RYR3: variants seen among roughly 807,000 people sequenced by gnomAD.
RYR3 encodes ryanodine receptor 3, also known as brain ryanodine receptor-calcium release channel.
In RYR3, 207 loss-of-function variants were observed where a neutral mutation model predicts 584.3. The observed-to-expected ratio is 0.35, with a 90% CI of 0.32 to 0.40. The LOEUF (loss-of-function observed/expected upper bound fraction) is 0.40. RYR3 is among the 10% of genes least tolerant of loss of function. The pLI is 1.00. For missense variants in RYR3, 5,616 were observed against 6,089.2 expected, an observed-to-expected ratio of 0.92 and a Z score of 2.59; for synonymous variants, 2,416 against 2,248.5, an observed-to-expected ratio of 1.07 and a Z score of -2.11.
intron 1 of RYR3, among the ~76,000 whole-genome samples, chr15:33,321,557 G>A (rs1968966258): frequency 2.0e-5 from 3 of 152,276 alleles, no homozygotes; most frequent in Admixed American, 2.0e-4. Flanking sequence ...TTAAGTGACA[G>A]GTGTGTAGAA....
intron 12 of RYR3, among the ~76,000 whole-genome samples, chr15:33,578,646 T>C (rs1195158900): frequency 6.6e-6 from 1 of 151,612 alleles, no homozygotes; most frequent in African/African-American, 2.4e-5. Context: ...TCAGGAAAAA[T>C]AGCTAATGCA....
chr15:33,535,012 A>G (rs773661529), intron 5 of RYR3, among the ~76,000 whole-genome samples: 1 of 152,210 alleles, frequency 6.6e-6, no homozygotes, highest in Non-Finnish European at 1.5e-5. Flanking sequence ...GCCTTCACTA[A>G]ATCTGGAGCC....
chr15:33,315,494 A>T (rs1335648534), intron 1 of RYR3, among the ~76,000 whole-genome samples: 1 of 152,156 alleles, frequency 6.6e-6, no homozygotes, highest in African/African-American at 2.4e-5. Flanking sequence ...GCTGAACTGT[A>T]AGCTCTCCTG....
At position 33,694,510 on chromosome 15, in the gene RYR3, C is replaced by T. The variant is rs1040541377; in HGVS notation, c.5861-1708C>T. On this transcript the variant is annotated intron_variant, in intron 38 of 103. Transcript: ENST00000634891. ...CCACCCACCTCGGCCTCCCAAAGTG[C>T]TGGGATTACAGGCGTGAGCCACTGC... 1.9e-4 allele frequency among the ~76,000 whole-genome samples: 29 copies of T among 152,098 alleles called. 1 individual carries two copies. Among genetic ancestry groups the T allele is most frequent in the African/African-American group, 6.8e-4 (28 of 41,424 alleles).
At chr15:33,740,284 C>T (rs2069951389) in intron 51 of RYR3, among the ~76,000 whole-genome samples, 1 of 152,204 alleles carries the variant, frequency 6.6e-6, no homozygotes, top group Non-Finnish European at 1.5e-5. Context: ...ACTACCCTGA[C>T]AAATTATGCA....
At chr15:33,596,959 G>A (rs1486852517) in intron 16 of RYR3, among the ~76,000 whole-genome samples, 2 of 151,968 alleles carry the variant, frequency 1.3e-5, no homozygotes, top group Non-Finnish European at 1.5e-5. Flanking sequence ...TTGTAGTTTA[G>A]CTTTGAAATA....
At chr15:33,857,715 C>A in intron 98 of RYR3, 65 bp from the exon 99 acceptor site, 1 of 1,598,070 alleles carries the variant, frequency 6.3e-7, no homozygotes, top group South Asian at 1.1e-5. Context: ...CTTAGAGTCT[C>A]CTGTGAACCT....
chr15:33,379,765 G>A (rs189876685), intron 1 of RYR3, among the ~76,000 whole-genome samples: 22 of 151,006 alleles, frequency 1.5e-4, no homozygotes, highest in South Asian at 1.1e-3. Flanking sequence ...TACAATAGGC[G>A]GTCTGCAAAA....
chr15:33,696,521 C>G (rs149368429), intron 39 of RYR3, 30 bp downstream of exon 39: 1 of 1,604,776 alleles, frequency 6.2e-7, no homozygotes, highest in Non-Finnish European at 8.5e-7. Context: ...GTGCTGTTCT[C>G]TCTAGGAGCT....
rs147118239 is a variant in RYR3 at position 33,863,720 on chromosome 15, G to A, written c.14466-418G>A. On this transcript the variant is annotated intron_variant, in intron 102 of 103. Coordinates refer to ENST00000634891, the MANE Select transcript of RYR3 (RefSeq NM_001036.6). Reference sequence around the variant, plus strand: ...AATACTTTCTAACTTTTCCATGACAGATATTCTTGAGACACACACATAATT... The same window carrying A: ...AATACTTTCTAACTTTTCCATGACAAATATTCTTGAGACACACACATAATT... Among the ~76,000 whole-genome samples the A allele has an allele frequency of 6.6e-5, 10 of 152,272 alleles. No homozygotes were observed. The South Asian group carries it at 1.9e-3, about 28-fold the overall frequency.
At chr15:33,484,624 G>A (rs1445980440) in intron 2 of RYR3, among the ~76,000 whole-genome samples, 2 of 119,276 alleles carry the variant, frequency 1.7e-5, no homozygotes, top group African/African-American at 2.7e-5. Context: ...TTGAATTCAG[G>A]TATGGGTAAC....
chr15:33,400,215 C>G (rs2042560715), intron 1 of RYR3, among the ~76,000 whole-genome samples: 1 of 152,158 alleles, frequency 6.6e-6, no homozygotes, highest in Non-Finnish European at 1.5e-5. Flanking sequence ...ACACTATGGT[C>G]ACCATATGTA....
At chr15:33,522,171 G>A (rs1433417108) in intron 3 of RYR3, among the ~76,000 whole-genome samples, 4 of 151,732 alleles carry the variant, frequency 2.6e-5, no homozygotes, top group African/African-American at 7.3e-5. Context: ...GCTGACACAG[G>A]AGAATTGCTG....
At position 33,601,310 on chromosome 15, in the gene RYR3, G is replaced by A. The variant is rs139392479; in HGVS notation, c.1789-109G>A. The stretch of plus-strand genomic sequence containing the variant: ...TTGGCTCTGAGCTGGCTCTCTACCC[G>A]TCACCTAGCCCCCACCCTTTATGGA... On this transcript the variant is annotated intron_variant, in intron 16 of 103. Transcript: ENST00000634891. The A allele has an allele frequency of 6.2e-4, 711 of 1,142,976 alleles. 4 individuals are homozygous for A. In the African/African-American group the frequency reaches 9.1e-3, roughly 15 times the overall value. 70.8% of individuals were successfully genotyped at this position (1,142,976 alleles called of 1,614,324 possible). A position where few individuals can be genotyped will look rare whatever the true frequency, so the allele number is the denominator to read the frequency against.
chr15:33,311,075 C>A lies in RYR3; in HGVS notation c.30C>A (p.Asp10Glu), dbSNP rs761390620. 6.3e-6 allele frequency: 10 copies of A among 1,582,080 alleles called. No homozygotes were observed. The highest frequency in any genetic ancestry group is 4.6e-5 in the South Asian group (4 of 87,384). The change falls in exon 1 of 104, where the codon GAC (aspartate) becomes GAA (glutamate). Residue 10 changes from aspartate to glutamate, a missense_variant. This residue lies in a region of RYR3 where 1,284 missense variants were observed against 1,344.6 expected (regional missense o/e 0.95). Coordinates refer to ENST00000634891, the MANE Select transcript of RYR3 (RefSeq NM_001036.6). This position sits in a 1 kb window ranked among gnomAD's most constrained non-coding sequence, Gnocchi z 4.4. MAEGGEGGE[D>E]EIQFLRTEDE... ...CCGAAGGGGGAGAAGGAGGCGAGGACGAGATCCAGTTTCTGAGGACTGTGA... is the reference window on the plus strand; with the variant it reads ...CCGAAGGGGGAGAAGGAGGCGAGGAAGAGATCCAGTTTCTGAGGACTGTGA...
rs565748259 is a variant in RYR3, at chr15:33,644,504, T to G, written c.3750T>G (p.Asp1250Glu). The G allele has an allele frequency of 6.2e-7, 1 of 1,613,392 alleles. No individual in the cohort carries two copies. Among genetic ancestry groups the G allele is most frequent in the South Asian group, 1.1e-5 (1 of 90,970 alleles). ...CGACGTTTGTCAACGTGCCAAAGGA[T>G]CATCCACACATAGAGGTAATGTTAC... Reference protein sequence around the residue: ...RLPTFVNVPKDHPHIEVMRID... With the variant: ...RLPTFVNVPKEHPHIEVMRID... Residue 1250 changes from aspartate (D) to glutamate (E), a missense_variant, in exon 28 of 104, where the codon GAT becomes GAG. This residue lies in a region of RYR3 where 753 missense variants were observed against 741.0 expected (regional missense o/e 1.02). Transcript: ENST00000634891.
At chr15:33,849,226 A>G (rs1164062631) in intron 94 of RYR3, 2 of 152,176 alleles carry the variant, frequency 1.3e-5, no homozygotes, top group African/African-American at 4.8e-5. Context: ...AGGTAAATAG[A>G]GCCGTCTGGT....
intron 30 of RYR3, among the ~76,000 whole-genome samples, chr15:33,648,780 G>A (rs2062260206): frequency 6.6e-6 from 1 of 152,208 alleles, no homozygotes; most frequent in Non-Finnish European, 1.5e-5. Flanking sequence ...TCCATCCACA[G>A]CATCTCCTGA....
intron 87 of RYR3, among the ~76,000 whole-genome samples, chr15:33,836,194 T>TC (rs2078038731): frequency 6.6e-6 from 1 of 150,856 alleles, no homozygotes; most frequent in Non-Finnish European, 1.5e-5. Context: ...CTTTCCTTTT[T>TC]TTTGTGAGGG....
Sources: gnomAD v4.1 joint callset for allele counts (sites outside exome capture counted in the v4.1 genomes callset) on GRCh38, gnomAD v4.1.1 for gene constraint, gnomAD v4.1.1 regional missense constraint, Gnocchi (gnomAD v3.1) non-coding constraint, MANE v1.5 for transcripts, NCBI Gene and HGNC (gene_info 2026-07-23, HGNC 2026-07-21) for gene names.